The following ACIN1 variants were observed in gnomAD, a reference collection of about 807,000 sequenced individuals.
The protein encoded by ACIN1 is apoptotic chromatin condensation inducer in the nucleus.
ACIN1 carries 16 observed loss-of-function variants against 146.6 expected under a neutral mutation model. That is an observed-to-expected ratio of 0.11 (90% CI 0.07 to 0.17). The LOEUF is 0.17. ACIN1 is among the 10% of genes least tolerant of loss of function. The pLI, the probability that ACIN1 is intolerant of heterozygous loss-of-function variation, is 1.00. For missense variants in ACIN1, 1,357 were observed against 1,609.3 expected, an observed-to-expected ratio of 0.84 and a Z score of 2.68; for synonymous variants, 569 against 582.7, an observed-to-expected ratio of 0.98 and a Z score of 0.34.
rs1030604056 is a variant in ACIN1 at position 23,062,213 on chromosome 14, C to T, written c.3054G>A (p.Gln1018=). 1 of 1,613,954 alleles carries T rather than the reference C, an allele frequency of 6.2e-7. No individual in the cohort carries two copies. The highest frequency in any genetic ancestry group is 1.7e-5 in the Admixed American group (1 of 59,972). Residue 1018 remains glutamine, a synonymous_variant, in exon 16 of 19, where the codon CAG becomes CAA. Coordinates refer to ENST00000605057, the MANE Select transcript of ACIN1 (RefSeq NM_001386863.1). ...RTALHGVKWP[Q]SNPKFLCADY... ...CAGCACAAAGGAATTTGGGATTGGACTGGGGCCATTTGACCCCGTGCAGAG... is the reference window on the plus strand; with the variant it reads ...CAGCACAAAGGAATTTGGGATTGGATTGGGGCCATTTGACCCCGTGCAGAG...
intron 4 of ACIN1, among the ~76,000 whole-genome samples, chr14:23,082,979 T>TC (rs369103986): frequency 6.6e-5 from 10 of 150,532 alleles, no homozygotes; most frequent in African/African-American, 2.5e-4. Context: ...GCTCAAGCAA[T>TC]CCCCCCGCCT....
rs3841034 is a variant in ACIN1 at position 23,094,377 on chromosome 14, CCT to C, written c.138+596_138+597del. Reference sequence around the variant, plus strand: ...CCCCAATATATATCAACCTGCCTCGCCTCTCTCACCAATATTCACCAAACTCT... The same window carrying C: ...CCCCAATATATATCAACCTGCCTCGCCTCTCACCAATATTCACCAAACTCT... On this transcript the variant is annotated intron_variant, in intron 1 of 18. Coordinates refer to ENST00000605057, the MANE Select transcript of ACIN1 (RefSeq NM_001386863.1). 800 of 658,204 alleles carry C rather than the reference CCT, an allele frequency of 1.2e-3. 23 individuals carry two copies. The East Asian group carries it at 0.089, about 73-fold the overall frequency. 40.8% of individuals were successfully genotyped at this position (658,204 alleles called of 1,614,324 possible). A position where few individuals can be genotyped will look rare whatever the true frequency, so the allele number is the denominator to read the frequency against.
chr14:23,091,696 T>TTGC (rs1234212139), intron 2 of ACIN1, among the ~76,000 whole-genome samples: 1 of 151,732 alleles, frequency 6.6e-6, no homozygotes, highest in Non-Finnish European at 1.5e-5. Context: ...CGATCTTGGC[T>TTGC]TGCTGCAACC....
At chr14:23,060,414 A>G (rs982410900) in intron 18 of ACIN1, among the ~76,000 whole-genome samples, 1 of 152,216 alleles carries the variant, frequency 6.6e-6, no homozygotes, top group Admixed American at 6.5e-5. Context: ...CAAAAGGCCC[A>G]TTACTAAGAA....
At chr14:23,087,264 G>A in intron 4 of ACIN1, among the ~76,000 whole-genome samples, 1 of 152,042 alleles carries the variant, frequency 6.6e-6, no homozygotes, top group Non-Finnish European at 1.5e-5. Flanking sequence ...AATTCCAAAT[G>A]GCCACTCCAT....
chr14:23,059,509 C>CTCAGTCCT, intron 18 of ACIN1, 35 bp from the exon 19 acceptor site: 1 of 1,566,046 alleles, frequency 6.4e-7, no homozygotes, highest in East Asian at 2.2e-5. Context: ...GAATAGGCAG[C>CTCAGTCCT]TCAGTCCTGG....
chr14:23,085,909 A>G (rs1248228172), intron 4 of ACIN1, among the ~76,000 whole-genome samples: 1 of 152,256 alleles, frequency 6.6e-6, no homozygotes, highest in African/African-American at 2.4e-5. Flanking sequence ...GATTTCCAAG[A>G]GTCCAAAGCC....
rs745911140 is a variant in ACIN1, at chr14:23,078,285, A to C, written c.2008-19T>G. On this transcript the variant is annotated intron_variant, in intron 7 of 18. Coordinates refer to ENST00000605057, the MANE Select transcript of ACIN1 (RefSeq NM_001386863.1). ...GGCTCCCCTGTCAGGAGATAGCAAA[A>C]ACGAACAGAGCAAAACATTTAGATC... 1 of 1,610,112 alleles carries C rather than the reference A, an allele frequency of 6.2e-7. No individual in the cohort carries two copies. Among genetic ancestry groups the C allele is most frequent in the South Asian group, 1.1e-5 (1 of 91,002 alleles).
At chr14:23,072,418 A>G (rs1003537686) in intron 8 of ACIN1, among the ~76,000 whole-genome samples, 2 of 152,224 alleles carry the variant, frequency 1.3e-5, no homozygotes, top group African/African-American at 2.4e-5. Flanking sequence ...TCTAAAGTAG[A>G]TAAGACAGTG....
Position 23,081,691 on chromosome 14 carries a change from G to A in ACIN1, c.525+57C>T, listed in dbSNP as rs548529982. ...ACAAACTCAAAACAAGTCTGAAGAA[G>A]AGAAGATATCCAAAGCATTACTGAA... is the stretch of plus-strand genomic sequence containing the variant. On this transcript the variant is annotated intron_variant, in intron 5 of 18. Coordinates refer to ENST00000605057, the MANE Select transcript of ACIN1 (RefSeq NM_001386863.1). 4 of 1,419,576 alleles carry A rather than the reference G, an allele frequency of 2.8e-6. No homozygotes were observed. In the African/African-American group the frequency reaches 4.3e-5, roughly 15 times the overall value. 87.9% of individuals were successfully genotyped at this position (1,419,576 alleles called of 1,614,324 possible).
At chr14:23,095,417 AT>A (rs1307836969), upstream of ACIN1, 1 of 1,198,516 alleles carries the variant, frequency 8.3e-7, no homozygotes, top group East Asian at 2.4e-5. Flanking sequence ...TGGTATAACC[AT>A]AATCGGAGAT....
Position 23,080,301 on chromosome 14 carries a change from G to A in ACIN1, c.1034C>T (p.Ala345Val), listed in dbSNP as rs12589748. Residue 345 changes from alanine to valine, a missense_variant, in exon 6 of 19, where the codon GCG (alanine) becomes GTG (valine). This residue lies in a region of ACIN1 where 771 missense variants were observed against 746.6 expected (regional missense o/e 1.03). Coordinates refer to ENST00000605057, the MANE Select transcript of ACIN1 (RefSeq NM_001386863.1). Reference sequence around the variant, plus strand: ...CTCGCTGGCAGTTTGCTCTGGCAGCGCTACAAGTGAGGCCTTCTTTCGATC... The same window carrying A: ...CTCGCTGGCAGTTTGCTCTGGCAGCACTACAAGTGAGGCCTTCTTTCGATC... The part of the protein sequence containing the change: ...TEDRKKASLV[A>V]LPEQTASEEE... 202 of 1,614,204 alleles carry A rather than the reference G, an allele frequency of 1.3e-4. 2 individuals are homozygous for A. In the East Asian group the frequency reaches 2.3e-3, roughly 18 times the overall value.
chr14:23,086,485 T>C (rs2048094445), intron 4 of ACIN1, among the ~76,000 whole-genome samples: 1 of 152,200 alleles, frequency 6.6e-6, no homozygotes. Flanking sequence ...AAGAAAGTGA[T>C]GGAGACATAA....
Position 23,059,169 on chromosome 14 carries a change from C to T in ACIN1, c.3831G>A (p.Arg1277=). Residue 1277 remains arginine (R), a synonymous_variant, in exon 19 of 19, where the codon CGG becomes CGA. Transcript: ENST00000605057. Reference sequence around the variant, plus strand: ...CCAGCTAGCGGCGCCCACCCCGGTCCCGCACAGGTGTGCTCCGACTCCGGC... The same window carrying T: ...CCAGCTAGCGGCGCCCACCCCGGTCTCGCACAGGTGTGCTCCGACTCCGGC... The part of the protein sequence containing the change: ...SRSRSRSTPV[R]DRGGRR 6.2e-7 allele frequency: 1 copy of T among 1,614,032 alleles called. No homozygotes were observed. The highest frequency in any genetic ancestry group is 8.5e-7 in the Non-Finnish European group (1 of 1,179,996).
rs1432697816 is a variant in ACIN1 at position 23,068,049 on chromosome 14, C to G, written c.2265+1427G>C. ...AGAAGTTGGAGCAACCAACATGCTG[C>G]CCTTCACCATGGACAACAGGGACCA... On this transcript the variant is annotated intron_variant, in intron 9 of 18. Transcript: ENST00000605057. This position sits in a 1 kb window ranked among gnomAD's most constrained non-coding sequence, Gnocchi z 4.3. The G allele has an allele frequency of 1.0e-6, 1 of 985,742 alleles. No individual in the cohort carries two copies. Among genetic ancestry groups the G allele is most frequent in the African/African-American group, 1.7e-5 (1 of 57,208 alleles). 61.1% of individuals were successfully genotyped at this position (985,742 alleles called of 1,614,324 possible).
chr14:23,063,243 A>C (rs769148940), intron 13 of ACIN1, 169 bp from the exon 14 acceptor site: 1 of 1,094,316 alleles, frequency 9.1e-7, no homozygotes. Flanking sequence ...TAACCTCCTC[A>C]TCATGGAGAT....
intron 6 of ACIN1, among the ~76,000 whole-genome samples, chr14:23,079,256 C>T (rs1052687152): frequency 3.3e-5 from 5 of 152,126 alleles, no homozygotes; most frequent in African/African-American, 1.2e-4. Flanking sequence ...GATCCTGGGA[C>T]ACACACGTAA....
At chr14:23,064,325 T>C in intron 11 of ACIN1, 30 bp downstream of exon 11, 1 of 1,614,010 alleles carries the variant, frequency 6.2e-7, no homozygotes, top group Non-Finnish European at 8.5e-7. Context: ...ACAGGTCTCA[T>C]CCTCCCTTCC....
intron 8 of ACIN1, 22 bp from the exon 9 acceptor site, chr14:23,069,639 G>C: frequency 1.4e-6 from 2 of 1,450,900 alleles, no homozygotes; most frequent in East Asian, 2.4e-5. Context: ...GGGGAGTGGT[G>C]GTGGGGGGGC....
Sources: gnomAD v4.1 joint callset for allele counts (sites outside exome capture counted in the v4.1 genomes callset) on GRCh38, gnomAD v4.1.1 for gene constraint, gnomAD v4.1.1 regional missense constraint, Gnocchi (gnomAD v3.1) non-coding constraint, MANE v1.5 for transcripts, NCBI Gene and HGNC (gene_info 2026-07-23, HGNC 2026-07-21) for gene names.